PTPRM: variants seen among roughly 807,000 people sequenced by gnomAD.
PTPRM encodes the protein receptor-type tyrosine-protein phosphatase mu.
In PTPRM, 47 loss-of-function variants were observed where a neutral mutation model predicts 186.7. That is an observed-to-expected ratio of 0.25 (90% CI 0.20 to 0.32). PTPRM has a LOEUF of 0.32. Ranked by LOEUF, PTPRM falls within the 10% of genes least tolerant of loss-of-function variation. The pLI is 1.00. For missense variants in PTPRM, 1,494 were observed against 1,865.0 expected (o/e 0.80, Z 3.66); for synonymous variants, 668 against 674.9 (o/e 0.99, Z 0.16).
intron 2 of PTPRM, among the ~76,000 whole-genome samples, chr18:7,817,061 G>T (rs2044872221): frequency 6.8e-6 from 1 of 147,782 alleles, no homozygotes; most frequent in African/African-American, 2.5e-5. Flanking sequence ...TGCAACCTCT[G>T]CCTCGTGGGT....
chr18:7,841,207 C>T (rs1174297029), intron 2 of PTPRM, among the ~76,000 whole-genome samples: 1 of 151,174 alleles, frequency 6.6e-6, no homozygotes, highest in African/African-American at 2.4e-5. Context: ...CATATTGCTT[C>T]CTTATAGGAA....
At chr18:7,580,759 G>C (rs958608079) in intron 1 of PTPRM, among the ~76,000 whole-genome samples, 2 of 152,122 alleles carry the variant, frequency 1.3e-5, no homozygotes, top group African/African-American at 4.8e-5. Flanking sequence ...TCCGAACGTG[G>C]GGTACATGTA....
intron 19 of PTPRM, among the ~76,000 whole-genome samples, chr18:8,268,414 C>T (rs2094728304): frequency 6.6e-6 from 1 of 152,018 alleles, no homozygotes; most frequent in Non-Finnish European, 1.5e-5. Flanking sequence ...ATAGCAATAG[C>T]AAGGAGATTC....
chr18:8,014,638 A>G (rs1331687380), intron 7 of PTPRM, among the ~76,000 whole-genome samples: 1 of 152,212 alleles, frequency 6.6e-6, no homozygotes, highest in Non-Finnish European at 1.5e-5. Flanking sequence ...TCTAAATACA[A>G]AGGAAATTGT....
rs544901688 is a variant in PTPRM, at chr18:8,019,911, A to G, written c.1133-49775A>G. ...TTGGGTTCTCATGCATTAAATCCCT[A>G]CCAACCCAGAGTAACTTAGGAAAAG... is the stretch of plus-strand genomic sequence containing the variant. On this transcript the variant is annotated intron_variant, in intron 7 of 32. Coordinates refer to ENST00000580170, the MANE Select transcript of PTPRM (RefSeq NM_001105244.2). 4.6e-5 allele frequency among the ~76,000 whole-genome samples: 7 copies of G among 151,428 alleles called. No individual in the cohort carries two copies. The East Asian group carries it at 9.7e-4, about 21-fold the overall frequency.
intron 1 of PTPRM, among the ~76,000 whole-genome samples, chr18:7,745,733 C>T (rs987241838): frequency 7.2e-5 from 11 of 152,006 alleles, no homozygotes; most frequent in African/African-American, 2.7e-4. Context: ...ATAATAGAAA[C>T]AGATATAAGG....
chr18:8,374,214 A>G (rs1437105818), intron 24 of PTPRM, among the ~76,000 whole-genome samples: 1 of 152,124 alleles, frequency 6.6e-6, no homozygotes, highest in Non-Finnish European at 1.5e-5. Flanking sequence ...TGCTCAGAAA[A>G]AGAGTCTTAG....
intron 7 of PTPRM, among the ~76,000 whole-genome samples, chr18:8,007,278 C>T (rs910860148): frequency 1.3e-5 from 2 of 152,108 alleles, no homozygotes; most frequent in African/African-American, 4.8e-5. Flanking sequence ...TTGGTACCTG[C>T]GTTCTATCTC....
chr18:8,054,476 T>C (rs1034101727), intron 7 of PTPRM, among the ~76,000 whole-genome samples: 1 of 151,476 alleles, frequency 6.6e-6, no homozygotes. Flanking sequence ...TTTAGATGAG[T>C]TACTTGTTAC....
In PTPRM at chr18:8,331,900, C is replaced by T. The variant is rs187975536; in HGVS notation, c.2957-11523C>T. Among the ~76,000 whole-genome samples, 15 of 152,350 alleles carry T rather than the reference C, an allele frequency of 9.8e-5. No individual in the cohort carries two copies. In the South Asian group the frequency reaches 1.2e-3, roughly 13 times the overall value. ...TGAAATTGAGCAGCCTTGATAGCAG[C>T]GCCAGCTCCACGTCTTGGTGTTCTG... On this transcript the variant is annotated intron_variant, in intron 22 of 32. Transcript: ENST00000580170.
At chr18:8,298,983 G>A (rs1456315964) in intron 20 of PTPRM, among the ~76,000 whole-genome samples, 1 of 152,196 alleles carries the variant, frequency 6.6e-6, no homozygotes, top group Non-Finnish European at 1.5e-5. Context: ...GGGCGTGATG[G>A]TGCGTGCCTG....
intron 4 of PTPRM, among the ~76,000 whole-genome samples, chr18:7,913,860 C>G (rs1048053759): frequency 6.6e-6 from 1 of 152,054 alleles, no homozygotes; most frequent in Non-Finnish European, 1.5e-5. Context: ...AACCCATGTG[C>G]TGTATATTGG....
chr18:7,770,017 G>A (rs897308215), intron 1 of PTPRM, among the ~76,000 whole-genome samples: 9 of 152,100 alleles, frequency 5.9e-5, no homozygotes, highest in African/African-American at 2.2e-4. Flanking sequence ...TCCCCCCTGT[G>A]AAACATGAAT....
chr18:7,913,292 C>A (rs1190181692), intron 4 of PTPRM, among the ~76,000 whole-genome samples: 1 of 121,848 alleles, frequency 8.2e-6, no homozygotes, highest in Admixed American at 7.7e-5. Context: ...AGTAGGTTTT[C>A]CAGATTCCTC....
At chr18:7,920,690 G>GTTTTTATATAC (rs1272551018) in intron 4 of PTPRM, among the ~76,000 whole-genome samples, 1 of 152,040 alleles carries the variant, frequency 6.6e-6, no homozygotes, top group African/African-American at 2.4e-5. Flanking sequence ...TTATCCGTGG[G>GTTTTTATATAC]TTTTATATAC....
intron 2 of PTPRM, among the ~76,000 whole-genome samples, chr18:7,778,892 A>G (rs2042721137): frequency 6.6e-6 from 1 of 152,206 alleles, no homozygotes; most frequent in Admixed American, 6.5e-5. Context: ...ATCACTTTAT[A>G]TACTGCAGCA....
intron 1 of PTPRM, among the ~76,000 whole-genome samples, chr18:7,677,071 T>A (rs1243681410): frequency 6.6e-6 from 1 of 152,224 alleles, no homozygotes; most frequent in African/African-American, 2.4e-5. Flanking sequence ...GCAGGCCAAG[T>A]GTAATATTCT....
At chr18:7,683,163 A>ATTTTT (rs761087539) in intron 1 of PTPRM, among the ~76,000 whole-genome samples, 5 of 123,350 alleles carry the variant, frequency 4.1e-5, no homozygotes, top group African/African-American at 1.3e-4. Flanking sequence ...TTGGCTTGCC[A>ATTTTT]TTTTTTTTTT....
chr18:7,587,597 T>C (rs2037012466), intron 1 of PTPRM, among the ~76,000 whole-genome samples: 1 of 152,154 alleles, frequency 6.6e-6, no homozygotes, highest in Admixed American at 6.6e-5. Context: ...ATTTCCTCAA[T>C]GACTGTTAAT....
Sources: allele counts gnomAD v4.1 joint callset (sites outside exome capture counted in the v4.1 genomes callset), GRCh38; gene constraint gnomAD v4.1.1; transcripts MANE v1.5; gene names NCBI Gene and HGNC (gene_info 2026-07-23, HGNC 2026-07-21).